DPF1: variants seen among roughly 807,000 people sequenced by gnomAD.
DPF1 encodes double PHD fingers 1, also known as zinc finger protein neuro-d4.
A neutral mutation model predicts 58.7 loss-of-function variants in DPF1; 14 were observed. The observed-to-expected ratio is 0.24, with a 90% CI of 0.16 to 0.37. The LOEUF (loss-of-function observed/expected upper bound fraction) is 0.37, where lower values mean the gene tolerates loss of function less well. DPF1 is among the 10% of genes least tolerant of loss of function. The pLI, the probability that DPF1 is intolerant of heterozygous loss-of-function variation, is 1.00. For missense variants in DPF1, 345 were observed against 529.9 expected (o/e 0.65, Z 3.43); for synonymous variants, 216 against 216.0 (o/e 1.00, Z 0.00).
At position 38,217,801 on chromosome 19, in the gene DPF1, C is replaced by T; in HGVS notation, c.592G>A (p.Asp198Asn). 1 of 1,614,110 alleles carries T rather than the reference C, an allele frequency of 6.2e-7. No homozygotes were observed. Among genetic ancestry groups the T allele is most frequent in the Non-Finnish European group, 8.5e-7 (1 of 1,180,018 alleles). The change falls in exon 6 of 12, where the codon GAT becomes AAT. Residue 198 changes from aspartate to asparagine, a missense_variant. By Grantham distance (23) the Asp-to-Asn change is conservative. Coordinates refer to ENST00000355526, the MANE Select transcript of DPF1 (RefSeq NM_001135155.3). ...LEDRDKPYVC[D>N]ICGKRYKNRP... ...CCCCCTCTTCAGAAGGACTCACTATCACAGACATACGGCTTGTCTCGGTCC... is the reference window on the plus strand; with the variant it reads ...CCCCCTCTTCAGAAGGACTCACTATTACAGACATACGGCTTGTCTCGGTCC...
upstream of DPF1, among the ~76,000 whole-genome samples, chr19:38,225,451 C>G (rs773934736): frequency 6.6e-6 from 1 of 151,932 alleles, no homozygotes; most frequent in Non-Finnish European, 1.5e-5. Context: ...GCAGTGTAGT[C>G]CCAGCTACTT....
chr19:38,216,048 G>A lies in DPF1; in HGVS notation c.898+92C>T, dbSNP rs545730350. The A allele has an allele frequency of 4.0e-5, 61 of 1,509,802 alleles. No individual in the cohort carries two copies. The South Asian group carries it at 5.3e-4, about 13-fold the overall frequency. 93.5% of individuals were successfully genotyped at this position (1,509,802 alleles called of 1,614,324 possible). A position where few individuals can be genotyped will look rare whatever the true frequency, so the allele number is the denominator to read the frequency against. ...TCCCCTACATGCTCCGGGTCCCCTCGGTCCTCACCGCCTTGCCTCCCTCCC... is the reference window on the plus strand; with the variant it reads ...TCCCCTACATGCTCCGGGTCCCCTCAGTCCTCACCGCCTTGCCTCCCTCCC... On this transcript the variant is annotated intron_variant, in intron 9 of 11. Coordinates refer to ENST00000355526, the MANE Select transcript of DPF1 (RefSeq NM_001135155.3).
chr19:38,223,716 A>C (rs1967667492), intron 1 of DPF1: 1 of 166,840 alleles, frequency 6.0e-6, no homozygotes, highest in Admixed American at 6.4e-5. Flanking sequence ...ATCCCCCAAA[A>C]ATTCTTAAAA....
Position 38,211,744 on chromosome 19 carries a change from G to GGCTCTGTCCA in DPF1, c.*309_*318dup. The GGCTCTGTCCA allele has an allele frequency of 3.0e-6, 1 of 332,884 alleles. No homozygotes were observed. The highest frequency in any genetic ancestry group is 5.4e-6 in the Non-Finnish European group (1 of 184,096). 20.6% of individuals were successfully genotyped at this position (332,884 alleles called of 1,614,324 possible). On this transcript the variant is annotated 3_prime_UTR_variant, in exon 12 of 12. Coordinates refer to ENST00000355526, the MANE Select transcript of DPF1 (RefSeq NM_001135155.3). The surrounding 1 kb of genome is among the most constrained non-coding windows in gnomAD (Gnocchi z 4.0). Reference sequence around the variant, plus strand: ...CTTTTTGTCTTTTTCTTTAGAAAAAGGCTCTGTCCATGCCCCTGGCTGGCA... The same window carrying GGCTCTGTCCA: ...CTTTTTGTCTTTTTCTTTAGAAAAAGGCTCTGTCCAGCTCTGTCCATGCCCCTGGCTGGCA...
chr19:38,220,387 C>T (rs1371597266), intron 3 of DPF1, among the ~76,000 whole-genome samples: 3 of 151,654 alleles, frequency 2.0e-5, no homozygotes, highest in South Asian at 2.1e-4. Flanking sequence ...TTTGGGAGGC[C>T]GAGGCGGGCA....
chr19:38,216,807 G>T (rs1408833717), intron 7 of DPF1, among the ~76,000 whole-genome samples: 1 of 152,094 alleles, frequency 6.6e-6, no homozygotes, highest in Non-Finnish European at 1.5e-5. Context: ...TTGAGGAAGG[G>T]CTCCCTGCCT....
rs1251181731 is a variant in DPF1, at chr19:38,211,228, C to T, written c.*835G>A. The T allele has an allele frequency of 6.6e-6, 1 of 152,298 alleles. No individual in the cohort carries two copies. The highest frequency in any genetic ancestry group is 2.4e-5 in the African/African-American group (1 of 41,458). 9.4% of individuals were successfully genotyped at this position (152,298 alleles called of 1,614,324 possible). On this transcript the variant is annotated 3_prime_UTR_variant, in exon 12 of 12. Coordinates refer to ENST00000355526, the MANE Select transcript of DPF1 (RefSeq NM_001135155.3). This position sits in a 1 kb window ranked among gnomAD's most constrained non-coding sequence, Gnocchi z 4.0. ...CAAGAAACAACCACGCCCCCTCACT[C>T]CCCCAAAATGGCCAGCGAGGGGGGC...
chr19:38,222,295 C>T lies in DPF1; in HGVS notation c.298+62G>A, dbSNP rs1821491382. On this transcript the variant is annotated intron_variant, in intron 3 of 11. Coordinates refer to ENST00000355526, the MANE Select transcript of DPF1 (RefSeq NM_001135155.3). The surrounding 1 kb of genome is among the most constrained non-coding windows in gnomAD (Gnocchi z 4.9). ...GCTAGAAGGCGATAAAGGTGATGGA[C>T]GAGTGCTAGGACACACAGCAGGCGC... 10 of 1,381,822 alleles carry T rather than the reference C, an allele frequency of 7.2e-6. No homozygotes were observed. Among genetic ancestry groups the T allele is most frequent in the Non-Finnish European group, 6.0e-6 (6 of 1,007,140 alleles). The allele number at this position is 1,381,822 out of a possible 1,614,324, so 85.6% of individuals were successfully genotyped here.
At chr19:38,228,071 T>A (rs2146234085), upstream of DPF1, 1 of 152,698 alleles carries the variant, frequency 6.5e-6, no homozygotes, top group Non-Finnish European at 1.5e-5. Flanking sequence ...CCCAGCCATT[T>A]TGCGGATGTC....
chr19:38,229,568 G>T lies in DPF1; in HGVS notation c.-141C>A. The T allele has an allele frequency of 8.4e-7, 1 of 1,184,306 alleles. No homozygotes were observed. The highest frequency in any genetic ancestry group is 4.1e-5 in the South Asian group (1 of 24,442). 73.4% of individuals were successfully genotyped at this position (1,184,306 alleles called of 1,614,324 possible). A position where few individuals can be genotyped will look rare whatever the true frequency, so the allele number is the denominator to read the frequency against. On this transcript the variant is annotated 5_prime_UTR_variant, in exon 1 of 12. Coordinates refer to the DPF1 transcript ENST00000412732. The surrounding 1 kb of genome is among the most constrained non-coding windows in gnomAD (Gnocchi z 5.3). ...CGGCAGGGACACTCACGACTTGAGCGGGTTCTGAATGGCGGTGGCCATGGC... is the reference window on the plus strand; with the variant it reads ...CGGCAGGGACACTCACGACTTGAGCTGGTTCTGAATGGCGGTGGCCATGGC...
At chr19:38,224,370 C>T (rs142540432), upstream of DPF1, 13,141 of 1,082,094 alleles carry the variant, frequency 0.012, 101 homozygotes, top group Non-Finnish European at 0.014. The surrounding 1 kb of genome is among the most constrained non-coding windows in gnomAD (Gnocchi z 4.5). Context: ...AGGAGGGGCC[C>T]GGGGCACGCA....
chr19:38,224,349 G>A, upstream of DPF1: 1 of 1,207,374 alleles, frequency 8.3e-7, no homozygotes, highest in African/African-American at 1.6e-5. The surrounding 1 kb of genome is among the most constrained non-coding windows in gnomAD (Gnocchi z 4.5). Context: ...CGCGGGGACG[G>A]GACGGCGCGG....
upstream of DPF1, among the ~76,000 whole-genome samples, chr19:38,226,351 G>A (rs1161888454): frequency 1.3e-5 from 2 of 149,336 alleles, no homozygotes; most frequent in Non-Finnish European, 3.0e-5. Context: ...AAATTTGGGC[G>A]GCTGCTGTAA....
intron 1 of DPF1, chr19:38,223,418 C>G (rs1967646431): frequency 6.6e-6 from 1 of 152,530 alleles, no homozygotes; most frequent in Non-Finnish European, 1.5e-5. Flanking sequence ...CACACAGATT[C>G]ACACAGGTAC....
Position 38,217,440 on chromosome 19 carries a change from C to G in DPF1, c.727+20G>C, listed in dbSNP as rs1402369626. On this transcript the variant is annotated intron_variant, in intron 7 of 11. Transcript: ENST00000355526. ...CACTCCCAGGGCCCCTGGCCACCCC[C>G]ACCTGGCCTGCCAGCTCACGTTTAT... 6.5e-6 allele frequency: 10 copies of G among 1,549,174 alleles called. No homozygotes were observed. The highest frequency in any genetic ancestry group is 7.8e-6 in the Non-Finnish European group (9 of 1,146,510).
chr19:38,222,965 C>T lies in DPF1; in HGVS notation c.30-257G>A, dbSNP rs1967618312. On this transcript the variant is annotated intron_variant, in intron 1 of 11. Transcript: ENST00000355526. The surrounding 1 kb of genome is among the most constrained non-coding windows in gnomAD (Gnocchi z 4.9). ...GATACAGAAACAAACAAAAACACAC[C>T]GGGACGTATCCCTACCTGAACACAT... The T allele has an allele frequency of 1.4e-5, 7 of 495,512 alleles. No individual in the cohort carries two copies. The highest frequency in any genetic ancestry group is 2.5e-5 in the Non-Finnish European group (7 of 283,400). 30.7% of individuals were successfully genotyped at this position (495,512 alleles called of 1,614,324 possible).
chr19:38,222,939 C>T lies in DPF1; in HGVS notation c.30-231G>A. The T allele has an allele frequency of 1.9e-6, 1 of 535,594 alleles. No homozygotes were observed. The highest frequency in any genetic ancestry group is 3.2e-6 in the Non-Finnish European group (1 of 313,060). 33.2% of individuals were successfully genotyped at this position (535,594 alleles called of 1,614,324 possible). A position where few individuals can be genotyped will look rare whatever the true frequency, so the allele number is the denominator to read the frequency against. On this transcript the variant is annotated intron_variant, in intron 1 of 11. Coordinates refer to ENST00000355526, the MANE Select transcript of DPF1 (RefSeq NM_001135155.3). The surrounding 1 kb of genome is among the most constrained non-coding windows in gnomAD (Gnocchi z 4.9). ...GGCCCCCAGCTCATGAGTAGAAACA[C>T]GATACAGAAACAAACAAAAACACAC...
chr19:38,226,538 A>ACACACC (rs1181984493), upstream of DPF1, among the ~76,000 whole-genome samples: 186 of 144,840 alleles, frequency 1.3e-3, no homozygotes, highest in African/African-American at 4.3e-3. Context: ...ACACACACAC[A>ACACACC]CTCCTCTAGT....
In DPF1 at chr19:38,229,415, C is replaced by T. The variant is rs916662056; in HGVS notation, c.-132+144G>A. On this transcript the variant is annotated intron_variant, in intron 1 of 11. Coordinates refer to the DPF1 transcript ENST00000412732. This position sits in a 1 kb window ranked among gnomAD's most constrained non-coding sequence, Gnocchi z 5.3. ...CCCAGGGGGCGACAGGGGGTGGGGA[C>T]CCCCGGGGCAAGGGTTCGCGCTGGG... is the stretch of plus-strand genomic sequence containing the variant. The T allele has an allele frequency of 3.8e-6, 1 of 265,184 alleles. No homozygotes were observed. The highest frequency in any genetic ancestry group is 6.2e-6 in the Non-Finnish European group (1 of 160,730). The allele number at this position is 265,184 out of a possible 1,614,324, so 16.4% of individuals were successfully genotyped here. A position where few individuals can be genotyped will look rare whatever the true frequency, so the allele number is the denominator to read the frequency against.
Sources: allele counts gnomAD v4.1 joint callset (sites outside exome capture counted in the v4.1 genomes callset), GRCh38; gene constraint gnomAD v4.1.1; non-coding constraint Gnocchi (gnomAD v3.1); transcripts MANE v1.5; gene names NCBI Gene and HGNC (gene_info 2026-07-23, HGNC 2026-07-21).